Variants in PRKAA1 observed in about 807,000 individuals in gnomAD.
PRKAA1 encodes 5'-AMP-activated protein kinase catalytic subunit alpha-1.
PRKAA1 carries 23 observed loss-of-function variants against 56.9 expected under a neutral mutation model. The ratio of observed to expected loss-of-function variants is 0.40; its 90% CI spans 0.29 to 0.57. PRKAA1 has a LOEUF of 0.57. Among genes scored for constraint, PRKAA1 ranks in the 20% least tolerant of loss-of-function variants. The pLI, the probability that PRKAA1 is intolerant of heterozygous loss-of-function variation, is 0.39. For missense variants in PRKAA1, 413 were observed against 679.7 expected, an observed-to-expected ratio of 0.61 and a Z score of 4.36; for synonymous variants, 226 against 227.0, an observed-to-expected ratio of 1.00 and a Z score of 0.04.
chr5:40,770,107 A>C lies in PRKAA1; in HGVS notation c.509-604T>G, dbSNP rs571197489. The stretch of plus-strand genomic sequence containing the variant: ...TTTCCAGTTAATCTCTGAACATTTA[A>C]ATAGATATAGTTATAGATATAGATA... On this transcript the variant is annotated intron_variant, in intron 4 of 8. Coordinates refer to ENST00000397128, the MANE Select transcript of PRKAA1 (RefSeq NM_006251.6). 1.0e-4 allele frequency among the ~76,000 whole-genome samples: 8 copies of C among 80,326 alleles called. No individual in the cohort carries two copies. The East Asian group carries it at 4.4e-3, about 44-fold the overall frequency. 52.7% of individuals were successfully genotyped at this position (80,326 alleles called of 152,430 possible).
intron 1 of PRKAA1, among the ~76,000 whole-genome samples, chr5:40,780,528 CTGA>C (rs1744225665): frequency 6.6e-6 from 1 of 152,060 alleles, no homozygotes; most frequent in East Asian, 1.9e-4. Context: ...ATTATAGTGG[CTGA>C]TAAGTTCCAG....
chr5:40,796,368 G>A (rs1169464703), intron 1 of PRKAA1, among the ~76,000 whole-genome samples: 1 of 152,014 alleles, frequency 6.6e-6, no homozygotes, highest in Non-Finnish European at 1.5e-5. Flanking sequence ...CTTTATTCAA[G>A]CATTCAAGTC....
At chr5:40,793,553 T>C (rs1161362095) in intron 1 of PRKAA1, among the ~76,000 whole-genome samples, 2 of 152,248 alleles carry the variant, frequency 1.3e-5, no homozygotes, top group Non-Finnish European at 2.9e-5. Context: ...TCCCTCTTCA[T>C]GTTAAATTTA....
At chr5:40,779,553 T>C (rs988636132) in intron 1 of PRKAA1, among the ~76,000 whole-genome samples, 2 of 152,134 alleles carry the variant, frequency 1.3e-5, no homozygotes, top group South Asian at 2.1e-4. Context: ...AATGTATTCA[T>C]GAAGAAATAG....
intron 1 of PRKAA1, among the ~76,000 whole-genome samples, chr5:40,795,004 T>TACACAC (rs776449388): frequency 0.03 from 4,177 of 137,448 alleles, 67 homozygotes; most frequent in Middle Eastern, 0.05. Flanking sequence ...TGTATACATA[T>TACACAC]ATATACACAC....
intron 3 of PRKAA1, chr5:40,775,001 A>C: frequency 6.5e-7 from 1 of 1,548,904 alleles, no homozygotes; most frequent in Non-Finnish European, 8.9e-7. Context: ...TGCAATTTAA[A>C]TGTGGCTAGA....
rs1016766314 is a variant in PRKAA1, at chr5:40,761,063, C to G, written c.*1715G>C. On this transcript the variant is annotated 3_prime_UTR_variant, in exon 9 of 9. Transcript: ENST00000397128. ...TGTAAATCAGAAATCTTAGGAAAAT[C>G]CAGTATCTTTAAAAAGTAATTTAAG... 1 of 151,958 alleles carries G rather than the reference C, an allele frequency of 6.6e-6. No individual in the cohort carries two copies. Among genetic ancestry groups the G allele is most frequent in the South Asian group, 2.1e-4 (1 of 4,818 alleles). The allele number at this position is 151,958 out of a possible 1,614,324, so 9.4% of individuals were successfully genotyped here. A position where few individuals can be genotyped will look rare whatever the true frequency, so the allele number is the denominator to read the frequency against.
At chr5:40,764,261 C>T (rs1743319760) in intron 8 of PRKAA1, 1 of 263,568 alleles carries the variant, frequency 3.8e-6, no homozygotes, top group South Asian at 1.5e-4. Flanking sequence ...AGAAAACTAT[C>T]ACCTTAGGAT....
chr5:40,787,776 AG>A (rs1218410415), intron 1 of PRKAA1, among the ~76,000 whole-genome samples: 1 of 152,170 alleles, frequency 6.6e-6, no homozygotes, highest in Non-Finnish European at 1.5e-5. Context: ...TAATAGAGAA[AG>A]GGACAAAGGT....
chr5:40,762,809 C>A lies in PRKAA1; in HGVS notation c.1649G>T (p.Cys550Phe). 6.2e-7 allele frequency: 1 copy of A among 1,614,106 alleles called. No individual in the cohort carries two copies. The highest frequency in any genetic ancestry group is 8.5e-7 in the Non-Finnish European group (1 of 1,179,994). The change falls in exon 9 of 9, where the codon TGT becomes TTT. Residue 550 changes from cysteine (C) to phenylalanine (F), a missense_variant. Physicochemically the swap from Cys to Phe is radical, Grantham distance 205. Transcript: ENST00000397128. Reference protein sequence around the residue: ...GSHTIEFFEMCANLIKILAQ With the variant: ...GSHTIEFFEMFANLIKILAQ Reference sequence around the variant, plus strand: ...TGCAAGAATTTTAATTAGATTTGCACACATCTCAAAAAATTCTATTGTGTG... The same window carrying A: ...TGCAAGAATTTTAATTAGATTTGCAAACATCTCAAAAAATTCTATTGTGTG...
intron 6 of PRKAA1, 68 bp from the exon 7 acceptor site, chr5:40,765,306 G>A: frequency 6.8e-7 from 1 of 1,463,832 alleles, no homozygotes; most frequent in Non-Finnish European, 9.2e-7. Context: ...TAACAGTTTA[G>A]GGAATTTAGA....
intron 1 of PRKAA1, among the ~76,000 whole-genome samples, chr5:40,781,292 T>G (rs1744255748): frequency 6.6e-6 from 1 of 152,168 alleles, no homozygotes; most frequent in South Asian, 2.1e-4. Flanking sequence ...TGATCACCAG[T>G]AGAATTTAGA....
Position 40,794,210 on chromosome 5 carries a change from T to C in PRKAA1, c.127+3853A>G, listed in dbSNP as rs182890705. On this transcript the variant is annotated intron_variant, in intron 1 of 8. Transcript: ENST00000397128. ...CTTGCAGGAGTGAGGTGGTATCACA[T>C]TGTGGTTCTGATTTGCATTTCCCTG... Among the ~76,000 whole-genome samples the C allele has an allele frequency of 4.2e-3, 641 of 152,304 alleles. 4 individuals are homozygous for C. Among genetic ancestry groups the C allele is most frequent in the African/African-American group, 0.015 (614 of 41,566 alleles).
At chr5:40,797,435 A>G (rs1250587066) in intron 1 of PRKAA1, among the ~76,000 whole-genome samples, 1 of 152,222 alleles carries the variant, frequency 6.6e-6, no homozygotes, top group African/African-American at 2.4e-5. Flanking sequence ...ATGCATCGCA[A>G]ATACTGAACC....
chr5:40,788,800 C>A (rs563989893), intron 1 of PRKAA1, among the ~76,000 whole-genome samples: 7 of 152,076 alleles, frequency 4.6e-5, no homozygotes, highest in African/African-American at 1.7e-4. Flanking sequence ...GCACTCCAGC[C>A]TGGGTGACAG....
chr5:40,785,997 G>A (rs780250508), intron 1 of PRKAA1, among the ~76,000 whole-genome samples: 1 of 152,184 alleles, frequency 6.6e-6, no homozygotes, highest in Admixed American at 6.5e-5. Context: ...GCTCACGCCT[G>A]TAATCCCAGC....
intron 1 of PRKAA1, among the ~76,000 whole-genome samples, chr5:40,787,985 T>C (rs868231541): frequency 1.3e-5 from 2 of 151,982 alleles, no homozygotes; most frequent in South Asian, 2.1e-4. Flanking sequence ...AGACTGAAAA[T>C]GAAGGGACTG....
In PRKAA1 at chr5:40,761,243, T is replaced by C. The variant is rs1743171705; in HGVS notation, c.*1535A>G. ...TTGAAATAATCAGCTATAAAGAAAT[T>C]TGGAGTTAACTTCAGAAATTTAAAT... On this transcript the variant is annotated 3_prime_UTR_variant, in exon 9 of 9. Coordinates refer to ENST00000397128, the MANE Select transcript of PRKAA1 (RefSeq NM_006251.6). 6.6e-6 allele frequency: 1 copy of C among 152,138 alleles called. No homozygotes were observed. Among genetic ancestry groups the C allele is most frequent in the Non-Finnish European group, 1.5e-5 (1 of 67,988 alleles). 9.4% of individuals were successfully genotyped at this position (152,138 alleles called of 1,614,324 possible). A position where few individuals can be genotyped will look rare whatever the true frequency, so the allele number is the denominator to read the frequency against.
rs185624153 is a variant in PRKAA1 at position 40,771,128 on chromosome 5, G to A, written c.508+591C>T. Among the ~76,000 whole-genome samples, 449 of 152,158 alleles carry A rather than the reference G, an allele frequency of 3.0e-3. 3 individuals carry two copies. Among genetic ancestry groups the A allele is most frequent in the African/African-American group, 0.01 (436 of 41,528 alleles). Reference sequence around the variant, plus strand: ...TTTTGAACATACTGGAAATAAAGCTGCTACCTTCTCTTTCACAAATAATAC... The same window carrying A: ...TTTTGAACATACTGGAAATAAAGCTACTACCTTCTCTTTCACAAATAATAC... On this transcript the variant is annotated intron_variant, in intron 4 of 8. Transcript: ENST00000397128.
Sources: gnomAD v4.1 joint callset for allele counts (sites outside exome capture counted in the v4.1 genomes callset) on GRCh38, gnomAD v4.1.1 for gene constraint, MANE v1.5 for transcripts, NCBI Gene and HGNC (gene_info 2026-07-23, HGNC 2026-07-21) for gene names.